Variants in HDAC4 observed in about 807,000 individuals in gnomAD.
HDAC4 encodes histone deacetylase A.
In HDAC4, 16 loss-of-function variants were observed where a neutral mutation model predicts 135.1. That is an observed-to-expected ratio of 0.12 (90% CI 0.08 to 0.18). HDAC4 has a LOEUF of 0.18. Ranked by LOEUF, HDAC4 falls within the 10% of genes least tolerant of loss-of-function variation. The pLI is 1.00. For synonymous variants in HDAC4, 685 were observed against 653.4 expected (o/e 1.05, Z -0.74); for missense variants, 1,143 against 1,511.8 (o/e 0.76, Z 4.05).
intron 22 of HDAC4, among the ~76,000 whole-genome samples, chr2:239,078,602 A>G (rs998999691): frequency 6.6e-6 from 1 of 152,224 alleles, no homozygotes; most frequent in Non-Finnish European, 1.5e-5. Context: ...TTCACTTGAT[A>G]AGGTATTATC....
chr2:239,391,673 G>A (rs1161154272), intron 1 of HDAC4, among the ~76,000 whole-genome samples: 1 of 152,184 alleles, frequency 6.6e-6, no homozygotes, highest in Non-Finnish European at 1.5e-5. Context: ...CCAGAGCCAT[G>A]GAACACAGGA....
At position 239,053,447 on chromosome 2, in the gene HDAC4, G is replaced by T. The variant is rs781613756; in HGVS notation, c.3230+13C>A. On this transcript the variant is annotated intron_variant, in intron 26 of 26. Transcript: ENST00000543185. ...GGGTGAGCCTGCAGGCGGGCGGCAGGGCAGGTGCTCACCTCTTTTCGGCGG... is the reference window on the plus strand; with the variant it reads ...GGGTGAGCCTGCAGGCGGGCGGCAGTGCAGGTGCTCACCTCTTTTCGGCGG... 6.2e-6 allele frequency: 10 copies of T among 1,611,388 alleles called. No individual in the cohort carries two copies. The highest frequency in any genetic ancestry group is 8.5e-6 in the Non-Finnish European group (10 of 1,178,678).
intron 2 of HDAC4, among the ~76,000 whole-genome samples, chr2:239,272,375 A>G (rs573297096): frequency 3.3e-5 from 5 of 152,264 alleles, no homozygotes; most frequent in Non-Finnish European, 7.3e-5. Flanking sequence ...CCAGAAAGGC[A>G]ACCTACAGAA....
At chr2:239,136,540 G>A (rs1458015287) in intron 9 of HDAC4, among the ~76,000 whole-genome samples, 1 of 152,144 alleles carries the variant, frequency 6.6e-6, no homozygotes, top group Non-Finnish European at 1.5e-5. Flanking sequence ...CAGGCAACTG[G>A]GACTCTGCTC....
intron 6 of HDAC4, among the ~76,000 whole-genome samples, chr2:239,162,541 G>T (rs549597217): frequency 4.6e-5 from 7 of 152,196 alleles, no homozygotes; most frequent in Admixed American, 3.9e-4. Context: ...CCCCCAAAGC[G>T]GGCTCCCAGG....
In HDAC4 at chr2:239,052,124, A is replaced by G. The variant is rs1300128562; in HGVS notation, c.*973T>C. The G allele has an allele frequency of 1.3e-5, 2 of 152,538 alleles. No homozygotes were observed. The highest frequency in any genetic ancestry group is 4.8e-5 in the African/African-American group (2 of 41,442). The allele number at this position is 152,538 out of a possible 1,614,324, so 9.4% of individuals were successfully genotyped here. A position where few individuals can be genotyped will look rare whatever the true frequency, so the allele number is the denominator to read the frequency against. ...TGTGAGAACACTTTGGATTCGTTTA[A>G]AATTTGTTGGACTTCAAAACCTCCA... On this transcript the variant is annotated 3_prime_UTR_variant, in exon 27 of 27. Transcript: ENST00000543185.
At chr2:239,108,505 G>A (rs1482212160) in intron 14 of HDAC4, among the ~76,000 whole-genome samples, 1 of 152,182 alleles carries the variant, frequency 6.6e-6, no homozygotes, top group African/African-American at 2.4e-5. Flanking sequence ...GAGGAGGTCT[G>A]CCCTGGGTGG....
chr2:239,189,766 G>C, intron 4 of HDAC4, 67 bp downstream of exon 4: 1 of 1,487,406 alleles, frequency 6.7e-7, no homozygotes, highest in South Asian at 1.2e-5. Context: ...CGGAGGCAGG[G>C]CTGGAGTCAC....
At chr2:239,244,872 C>T (rs768946412) in intron 2 of HDAC4, among the ~76,000 whole-genome samples, 1 of 152,170 alleles carries the variant, frequency 6.6e-6, no homozygotes, top group Non-Finnish European at 1.5e-5. Context: ...GCTTGATGCT[C>T]CATAAACTTG....
chr2:239,388,533 G>A (rs1695982079), intron 1 of HDAC4, among the ~76,000 whole-genome samples: 1 of 152,210 alleles, frequency 6.6e-6, no homozygotes, highest in Non-Finnish European at 1.5e-5. Flanking sequence ...CAGAGCCTTG[G>A]TCCTCTGGGT....
chr2:239,347,943 T>C (rs10186964), intron 2 of HDAC4, among the ~76,000 whole-genome samples: 82,191 of 141,094 alleles, frequency 0.58, 24,278 homozygotes, highest in East Asian at 0.88. Flanking sequence ...CCGGTGACCA[T>C]AGACACGTCC....
chr2:239,283,709 G>A (rs748408600), intron 2 of HDAC4, among the ~76,000 whole-genome samples: 4 of 152,180 alleles, frequency 2.6e-5, no homozygotes, highest in African/African-American at 7.2e-5. Context: ...CCACTTCCGC[G>A]AGCGGTAACA....
chr2:239,246,030 G>C (rs1443138193), intron 2 of HDAC4, among the ~76,000 whole-genome samples: 1 of 152,206 alleles, frequency 6.6e-6, no homozygotes, highest in African/African-American at 2.4e-5. Context: ...CATGGGGTCT[G>C]CCTGGTGCCA....
Position 239,376,532 on chromosome 2 carries a change from C to T in HDAC4, c.-219-23614G>A, listed in dbSNP as rs535797137. 6.3e-4 allele frequency among the ~76,000 whole-genome samples: 96 copies of T among 152,362 alleles called. 1 individual carries two copies. The highest frequency in any genetic ancestry group is 2.1e-3 in the African/African-American group (87 of 41,584). On this transcript the variant is annotated intron_variant, in intron 1 of 26. Transcript: ENST00000543185. ...ACAGACTCTGTCGACCGCCCTGGCC[C>T]GAAGGCACGTGTCTACTACCATCAG... is the stretch of plus-strand genomic sequence containing the variant.
At chr2:239,190,480 C>T (rs564121931) in intron 3 of HDAC4, among the ~76,000 whole-genome samples, 6 of 152,340 alleles carry the variant, frequency 3.9e-5, no homozygotes, top group Admixed American at 1.3e-4. Context: ...AGGAAAAGCG[C>T]GGGCGCCAGG....
At chr2:239,235,353 C>T (rs556796243) in intron 3 of HDAC4, among the ~76,000 whole-genome samples, 6 of 152,328 alleles carry the variant, frequency 3.9e-5, no homozygotes, top group Non-Finnish European at 7.3e-5. Flanking sequence ...TTCTTGGAAA[C>T]GTTCAGCCTG....
intron 2 of HDAC4, among the ~76,000 whole-genome samples, chr2:239,259,734 T>TA (rs1324646043): frequency 6.6e-6 from 1 of 152,170 alleles, no homozygotes; most frequent in Non-Finnish European, 1.5e-5. Context: ...CCTGGTTGTT[T>TA]AAAAAGACTA....
At chr2:239,293,088 G>A (rs939367640) in intron 2 of HDAC4, among the ~76,000 whole-genome samples, 3 of 152,338 alleles carry the variant, frequency 2.0e-5, no homozygotes, top group Middle Eastern at 3.4e-3. Flanking sequence ...AGGTAGCCCA[G>A]AATCCCTTGG....
intron 12 of HDAC4, among the ~76,000 whole-genome samples, chr2:239,120,165 G>A (rs1286690504): frequency 6.6e-6 from 1 of 152,214 alleles, no homozygotes; most frequent in Non-Finnish European, 1.5e-5. Context: ...GCAAGAAAGT[G>A]CAGATTCGAG....
Sources: allele counts gnomAD v4.1 joint callset (sites outside exome capture counted in the v4.1 genomes callset), GRCh38; gene constraint gnomAD v4.1.1; transcripts MANE v1.5; gene names NCBI Gene and HGNC (gene_info 2026-07-23, HGNC 2026-07-21).